The following RSU1 variants were observed in gnomAD, a reference collection of about 807,000 sequenced individuals.
The protein encoded by RSU1 is Ras suppressor protein 1.
Under a neutral mutation model 31.1 loss-of-function variants are expected in RSU1, and 26 were observed. The observed-to-expected ratio is 0.84, with a 90% CI of 0.61 to 1.16. The LOEUF (loss-of-function observed/expected upper bound fraction) is 1.16. RSU1 is among the 50% of genes most tolerant of loss of function. The pLI, the probability that RSU1 is intolerant of heterozygous loss-of-function variation, is 0.00. For missense variants in RSU1, 320 were observed against 339.1 expected, an observed-to-expected ratio of 0.94 and a Z score of 0.44; for synonymous variants, 164 against 136.3, an observed-to-expected ratio of 1.20 and a Z score of -1.41.
At chr10:16,660,356 A>G (rs1834864772) in intron 8 of RSU1, among the ~76,000 whole-genome samples, 1 of 152,140 alleles carries the variant, frequency 6.6e-6, no homozygotes, top group African/African-American at 2.4e-5. Flanking sequence ...GGTGAGAAAT[A>G]AAGTCCTTTG....
chr10:16,791,373 CCT>C (rs1226255411), intron 2 of RSU1, among the ~76,000 whole-genome samples: 4 of 152,016 alleles, frequency 2.6e-5, no homozygotes, highest in Non-Finnish European at 5.9e-5. Context: ...GTGGCTCATG[CCT>C]GTAATCCCAG....
chr10:16,593,273 T>TGAAAA lies in RSU1; in HGVS notation c.*116_*120dup. 1 of 1,488,736 alleles carries TGAAAA rather than the reference T, an allele frequency of 6.7e-7. No homozygotes were observed. Among genetic ancestry groups the TGAAAA allele is most frequent in the Non-Finnish European group, 8.9e-7 (1 of 1,117,972 alleles). The allele number at this position is 1,488,736 out of a possible 1,614,324, so 92.2% of individuals were successfully genotyped here. A position where few individuals can be genotyped will look rare whatever the true frequency, so the allele number is the denominator to read the frequency against. ...AAGGTGGGAAGCATTAGAAAGAGAGTGAAAAGAAAAATAAAAAAGGCCTCA... is the reference window on the plus strand; with the variant it reads ...AAGGTGGGAAGCATTAGAAAGAGAGTGAAAAGAAAAGAAAAATAAAAAAGGCCTCA... On this transcript the variant is annotated 3_prime_UTR_variant, in exon 9 of 9. Transcript: ENST00000345264.
At chr10:16,773,307 T>C (rs1837459905) in intron 3 of RSU1, among the ~76,000 whole-genome samples, 1 of 151,904 alleles carries the variant, frequency 6.6e-6, no homozygotes, top group African/African-American at 2.4e-5. Context: ...GGTCACTGCA[T>C]GAGGAGGGCA....
intron 1 of RSU1, 49 bp downstream of exon 1, chr10:16,817,266 C>T: frequency 3.8e-6 from 2 of 527,852 alleles, no homozygotes; most frequent in East Asian, 3.5e-5. Context: ...AGCCCCGCTG[C>T]GGCCACGCAG....
chr10:16,783,568 A>C (rs1000256580), intron 2 of RSU1, among the ~76,000 whole-genome samples: 1 of 151,484 alleles, frequency 6.6e-6, no homozygotes, highest in Non-Finnish European at 1.5e-5. Flanking sequence ...GTTAGCCAGG[A>C]TGGTATCCAT....
At chr10:16,695,246 C>G in intron 7 of RSU1, 91 bp from the exon 8 acceptor site, 1 of 1,252,152 alleles carries the variant, frequency 8.0e-7, no homozygotes, top group South Asian at 1.6e-5. Flanking sequence ...CCTAAGTACC[C>G]TAAATCAAAC....
In RSU1 at chr10:16,598,481, G is replaced by C. The variant is rs540070316; in HGVS notation, c.732-4985C>G. 7.4e-4 allele frequency among the ~76,000 whole-genome samples: 112 copies of C among 152,290 alleles called. No individual in the cohort carries two copies. In the South Asian group the frequency reaches 9.7e-3, roughly 13 times the overall value. ...CATTGGGAGGATCGCTTGAGCCTGG[G>C]AGTTTGAGGCTGCAGTGAGCCGTGA... On this transcript the variant is annotated intron_variant, in intron 8 of 8. Transcript: ENST00000345264.
chr10:16,668,806 C>T (rs973448482), intron 8 of RSU1, among the ~76,000 whole-genome samples: 1 of 152,154 alleles, frequency 6.6e-6, no homozygotes, highest in African/African-American at 2.4e-5. Flanking sequence ...TGGTGGTTTA[C>T]ACTTTTCCCA....
intron 8 of RSU1, among the ~76,000 whole-genome samples, chr10:16,660,240 C>A (rs1834863008): frequency 6.6e-6 from 1 of 152,166 alleles, no homozygotes; most frequent in Non-Finnish European, 1.5e-5. Context: ...TGGGCATGAC[C>A]CAAACTCACT....
rs184717682 is a variant in RSU1 at position 16,754,825 on chromosome 10, G to A, written c.400+46C>T. 5.9e-4 allele frequency: 689 copies of A among 1,166,460 alleles called. 4 individuals are homozygous for A. Among genetic ancestry groups the A allele is most frequent in the Middle Eastern group, 5.0e-3 (25 of 4,968 alleles). The allele number at this position is 1,166,460 out of a possible 1,614,324, so 72.3% of individuals were successfully genotyped here. A position where few individuals can be genotyped will look rare whatever the true frequency, so the allele number is the denominator to read the frequency against. Reference sequence around the variant, plus strand: ...GGCAAATAAATTTCCCTCTCAGAACGCAAAGTACAAGGTTGAGGAGATTTA... The same window carrying A: ...GGCAAATAAATTTCCCTCTCAGAACACAAAGTACAAGGTTGAGGAGATTTA... On this transcript the variant is annotated intron_variant, in intron 5 of 8. Transcript: ENST00000345264.
chr10:16,652,559 AACACAC>A (rs754335619), intron 8 of RSU1, among the ~76,000 whole-genome samples: 6 of 151,292 alleles, frequency 4.0e-5, no homozygotes, highest in African/African-American at 4.8e-5. Flanking sequence ...TATACACACA[AACACAC>A]ACACACACAC....
At chr10:16,675,120 C>A (rs146598391) in intron 8 of RSU1, among the ~76,000 whole-genome samples, 1 of 150,092 alleles carries the variant, frequency 6.7e-6, no homozygotes, top group Non-Finnish European at 1.5e-5. Flanking sequence ...GCATGAGAAT[C>A]GCTTGAATCC....
chr10:16,591,944 C>T lies in RSU1; in HGVS notation c.*1450G>A, dbSNP rs542491310. On this transcript the variant is annotated 3_prime_UTR_variant, in exon 9 of 9. Transcript: ENST00000345264. The stretch of plus-strand genomic sequence containing the variant: ...TGGGACCTGGGGAAGCCACTTCCCA[C>T]ATTTAAATGTTCTATCAGGAATTTG... 1.6e-4 allele frequency: 24 copies of T among 152,062 alleles called. No homozygotes were observed. Among genetic ancestry groups the T allele is most frequent in the African/African-American group, 5.8e-4 (24 of 41,314 alleles). The allele number at this position is 152,062 out of a possible 1,614,324, so 9.4% of individuals were successfully genotyped here.
chr10:16,709,022 A>G (rs1174587626), intron 7 of RSU1, among the ~76,000 whole-genome samples: 16 of 150,664 alleles, frequency 1.1e-4, no homozygotes, highest in Admixed American at 1.1e-3. Context: ...ATTATACTTT[A>G]AGTTTTAGGG....
chr10:16,609,987 A>C (rs1042809942), intron 8 of RSU1, among the ~76,000 whole-genome samples: 6 of 152,210 alleles, frequency 3.9e-5, no homozygotes, highest in African/African-American at 1.4e-4. Context: ...TGCATTATAA[A>C]AGTAAAAAAG....
chr10:16,621,797 C>T (rs894093688), intron 8 of RSU1, among the ~76,000 whole-genome samples: 10 of 152,176 alleles, frequency 6.6e-5, no homozygotes, highest in East Asian at 3.8e-4. Flanking sequence ...GTCCCTCCCA[C>T]GACACATGGG....
intron 2 of RSU1, among the ~76,000 whole-genome samples, chr10:16,804,853 C>A (rs1588547550): frequency 6.6e-6 from 1 of 152,102 alleles, no homozygotes; most frequent in African/African-American, 2.4e-5. Flanking sequence ...AGAGGTAAAG[C>A]AGAGAGGATT....
chr10:16,747,158 C>T (rs1294839896), intron 7 of RSU1, among the ~76,000 whole-genome samples: 2 of 152,154 alleles, frequency 1.3e-5, no homozygotes, highest in African/African-American at 4.8e-5. Context: ...GTCAGCCCGA[C>T]CCATTAACAT....
intron 7 of RSU1, among the ~76,000 whole-genome samples, chr10:16,745,587 G>A (rs1836835405): frequency 1.3e-5 from 2 of 152,026 alleles, no homozygotes; most frequent in African/African-American, 4.8e-5. Flanking sequence ...AAAACCATGA[G>A]ATCTTGTGAG....
Sources: gnomAD v4.1 joint callset for allele counts (sites outside exome capture counted in the v4.1 genomes callset) on GRCh38, gnomAD v4.1.1 for gene constraint, MANE v1.5 for transcripts, NCBI Gene and HGNC (gene_info 2026-07-23, HGNC 2026-07-21) for gene names.